Variants in TAF1 observed in about 807,000 individuals in gnomAD.
The protein encoded by TAF1 is transcription initiation factor TFIID subunit 1.
A neutral mutation model predicts 138.5 loss-of-function variants in TAF1; 2 were observed. The observed-to-expected ratio is 0.01, with a 90% confidence interval of 0.01 to 0.05. The LOEUF is 0.05. Among genes scored for constraint, TAF1 ranks in the 10% least tolerant of loss-of-function variants. TAF1 has a pLI of 1.00. For synonymous variants in TAF1, 437 were observed against 503.2 expected, an observed-to-expected ratio of 0.87 and a Z score of 1.76; for missense variants, 709 against 1,478.0, an observed-to-expected ratio of 0.48 and a Z score of 8.53.
Position 71,458,051 on chromosome X carries a change from C to T in TAF1, c.4939-190C>T, listed in dbSNP as rs2038383560. ...GCTTCTGATTACGTGCATCAGGCACCTGTCTACTAGAATAGGCAACATTTA... is the reference window on the plus strand; with the variant it reads ...GCTTCTGATTACGTGCATCAGGCACTTGTCTACTAGAATAGGCAACATTTA... On this transcript the variant is annotated intron_variant, in intron 34 of 37. Transcript: ENST00000423759. Among the ~76,000 whole-genome samples, 3 of 112,730 alleles carry T rather than the reference C, an allele frequency of 2.7e-5. No homozygotes were observed. The Admixed American group carries it at 2.8e-4, about 11-fold the overall frequency.
chrX:71,389,203 A>T (rs113730514), intron 17 of TAF1, among the ~76,000 whole-genome samples: 5 of 111,715 alleles, frequency 4.5e-5, no homozygotes, highest in African/African-American at 1.6e-4. Flanking sequence ...TCAGCCTCTC[A>T]GGTAGGCAGA....
chrX:71,407,476 C>G (rs2035535716), intron 26 of TAF1, 98 bp from the exon 27 acceptor site: 2 of 802,306 alleles, frequency 2.5e-6, no homozygotes, highest in Admixed American at 2.5e-5. Context: ...CCTCAGCCTC[C>G]CAAAGTGCTG....
chrX:71,459,672 G>A lies in TAF1; in HGVS notation c.5185G>A (p.Ala1729Thr). The part of the protein sequence containing the change: ...MSEGEDDEED[A>T]GSDEEGDNPF... ...TGAAGGAGAAGATGATGAGGAAGAT[G>A]CTGGGAGTGATGAAGAAGGAGACAA... Residue 1729 changes from alanine to threonine, a missense_variant, in exon 36 of 38, where the codon GCT becomes ACT. This residue lies in a region of TAF1 where 123 missense variants were observed against 174.7 expected (regional missense o/e 0.70). Transcript: ENST00000423759. The A allele has an allele frequency of 8.3e-7, 1 of 1,211,505 alleles. No homozygotes were observed. Among genetic ancestry groups the A allele is most frequent in the Non-Finnish European group, 1.1e-6 (1 of 895,392 alleles).
intron 24 of TAF1, among the ~76,000 whole-genome samples, chrX:71,399,132 G>T (rs2035017431): frequency 9.0e-6 from 1 of 110,612 alleles, no homozygotes; most frequent in Admixed American, 9.7e-5. Flanking sequence ...TAGAGACCGG[G>T]TTTTGCCATG....
At chrX:71,413,640 T>C (rs2035907025) in intron 28 of TAF1, among the ~76,000 whole-genome samples, 1 of 111,191 alleles carries the variant, frequency 9.0e-6, no homozygotes, top group Non-Finnish European at 1.9e-5. Flanking sequence ...GCCCCATACC[T>C]CTCTTCAGGG....
intron 28 of TAF1, among the ~76,000 whole-genome samples, chrX:71,420,680 C>T (rs1273075311): frequency 8.8e-6 from 1 of 113,089 alleles, no homozygotes. Flanking sequence ...TTCCGGGTCA[C>T]CCTCGACCAG....
chrX:71,497,054 G>A (rs192914340), intron 13 of TAF1, among the ~76,000 whole-genome samples: 7 of 111,987 alleles, frequency 6.3e-5, no homozygotes, highest in East Asian at 5.6e-4. Flanking sequence ...TCTAAGGCTC[G>A]GGTAAGTGCC....
intron 13 of TAF1, among the ~76,000 whole-genome samples, chrX:71,515,229 A>G (rs2039805005): frequency 1.8e-5 from 2 of 110,851 alleles, no homozygotes; most frequent in African/African-American, 6.6e-5. Flanking sequence ...CTATTTTGAT[A>G]TCCCACATGT....
chrX:71,523,020 A>G (rs2039931562), intron 13 of TAF1, among the ~76,000 whole-genome samples: 1 of 108,579 alleles, frequency 9.2e-6, no homozygotes, highest in Admixed American at 1.0e-4. Context: ...TGTCTCTACA[A>G]AAAATACAAA....
At chrX:71,406,827 T>C (rs1167766228) in intron 26 of TAF1, 81 bp downstream of exon 26, 3 of 770,713 alleles carry the variant, frequency 3.9e-6, no homozygotes, top group African/African-American at 4.2e-5. Flanking sequence ...TCTGACAGCC[T>C]TAGATTCTCC....
intron 21 of TAF1, 41 bp downstream of exon 21, chrX:71,393,517 G>T (rs2034681718): frequency 2.6e-6 from 3 of 1,155,063 alleles, no homozygotes; most frequent in Non-Finnish European, 3.5e-6. Flanking sequence ...AGCTGGAAAG[G>T]GGGAGGAGTT....
chrX:71,476,035 C>A (rs756233131), intron 13 of TAF1, among the ~76,000 whole-genome samples: 1 of 111,846 alleles, frequency 8.9e-6, no homozygotes, highest in South Asian at 3.7e-4. Flanking sequence ...GAGACCTGCT[C>A]AGAAGCAGAT....
intron 13 of TAF1, among the ~76,000 whole-genome samples, chrX:71,500,692 G>A (rs901219597): frequency 9.0e-6 from 1 of 110,559 alleles, no homozygotes; most frequent in East Asian, 2.9e-4. Context: ...CCTTACCGAC[G>A]CATTCTCAAA....
Position 71,394,125 on chromosome X carries a change from A to T in TAF1, c.3286A>T (p.Ser1096Cys). ...CACAGACAGCAGCTCAGCTGAAGAT[A>T]GTGACTTTGAAGAAATGGGAAAGAA... is the stretch of plus-strand genomic sequence containing the variant. ...TDTDSSSAED[S>C]DFEEMGKNIE... The change falls in exon 22 of 38, where the codon AGT (serine) becomes TGT (cysteine). Residue 1096 changes from serine (S) to cysteine (C), a missense_variant. This residue lies in a region of TAF1 where 31 missense variants were observed against 52.2 expected (regional missense o/e 0.59). Transcript: ENST00000423759. 8.3e-7 allele frequency: 1 copy of T among 1,212,118 alleles called. No individual in the cohort carries two copies. The highest frequency in any genetic ancestry group is 1.1e-6 in the Non-Finnish European group (1 of 895,632).
chrX:71,453,082 C>G (rs924427839), intron 32 of TAF1, among the ~76,000 whole-genome samples: 3 of 108,655 alleles, frequency 2.8e-5, no homozygotes, highest in Non-Finnish European at 5.7e-5. Context: ...CGTGGGGAGA[C>G]GGGAGAGAGA....
At chrX:71,385,094 T>C (rs1468786002) in intron 14 of TAF1, 45 bp downstream of exon 14, 6 of 1,006,784 alleles carry the variant, frequency 6.0e-6, no homozygotes, top group Non-Finnish European at 8.3e-6. Flanking sequence ...AGGAAATTGA[T>C]AAATGAGGAA....
chrX:71,443,389 T>G (rs2037526402), intron 32 of TAF1, among the ~76,000 whole-genome samples: 1 of 111,802 alleles, frequency 8.9e-6, no homozygotes. Flanking sequence ...CGCTTGTAAG[T>G]TGGATTCCTA....
intron 32 of TAF1, among the ~76,000 whole-genome samples, chrX:71,438,333 A>G (rs944584478): frequency 9.0e-6 from 1 of 111,376 alleles, no homozygotes; most frequent in Non-Finnish European, 1.9e-5. Flanking sequence ...GAAATTGCCT[A>G]TTCTAGGTAT....
intron 13 of TAF1, among the ~76,000 whole-genome samples, chrX:71,495,463 G>A (rs938011596): frequency 1.8e-5 from 2 of 111,741 alleles, no homozygotes; most frequent in African/African-American, 3.3e-5. Flanking sequence ...GAAAGGCATT[G>A]TCTGATTTCA....
Sources: allele counts gnomAD v4.1 joint callset (sites outside exome capture counted in the v4.1 genomes callset), GRCh38; gene constraint gnomAD v4.1.1; regional missense constraint gnomAD v4.1.1; transcripts MANE v1.5; gene names NCBI Gene and HGNC (gene_info 2026-07-23, HGNC 2026-07-21).